HIPK4: variants seen among roughly 807,000 people sequenced by gnomAD.
HIPK4 encodes the protein homeodomain interacting protein kinase 4.
HIPK4 carries 26 observed loss-of-function variants against 44.8 expected under a neutral mutation model. That is an observed-to-expected ratio of 0.58 (90% CI 0.43 to 0.80). The LOEUF (loss-of-function observed/expected upper bound fraction) is 0.80. Among genes scored for constraint, HIPK4 ranks in the 30% least tolerant of loss-of-function variants. HIPK4 has a pLI of 0.00. For missense variants in HIPK4, 729 were observed against 862.6 expected (o/e 0.85, Z 1.94); for synonymous variants, 340 against 355.5 (o/e 0.96, Z 0.49).
rs752508778 is a variant in HIPK4, at chr19:40,380,655, A to G, written c.1336T>C (p.Cys446Arg). 6.2e-7 allele frequency: 1 copy of G among 1,613,912 alleles called. No individual in the cohort carries two copies. Among genetic ancestry groups the G allele is most frequent in the Non-Finnish European group, 8.5e-7 (1 of 1,179,928 alleles). The change falls in exon 3 of 4, where the codon TGC (cysteine) becomes CGC (arginine). Residue 446 changes from cysteine to arginine, a missense_variant. Around this residue, in one of 2 missense-constraint regions of HIPK4, gnomAD observed 533 missense variants for 567.5 expected, o/e 0.94. Transcript: ENST00000291823. This position sits in a 1 kb window ranked among gnomAD's most constrained non-coding sequence, Gnocchi z 4.2. ...EAGHGLWGET[C>R]TNAVSDMMVP... The stretch of plus-strand genomic sequence containing the variant: ...ATCATGTCGGAGACCGCATTGGTGC[A>G]GGTCTCACCCCACAGCCCATGCCCA...
chr19:40,379,810 G>C, intron 3 of HIPK4, 41 bp from the exon 4 acceptor site: 1 of 1,578,380 alleles, frequency 6.3e-7, no homozygotes, highest in African/African-American at 1.4e-5. Context: ...AGCAGTGTTA[G>C]TGTATTAGTG....
In HIPK4 at chr19:40,381,022, C is replaced by G. The variant is rs531192572; in HGVS notation, c.969G>C (p.Leu323=). The change falls in exon 3 of 4, where the codon CTG becomes CTC. Residue 323 remains leucine (L), a synonymous_variant. Coordinates refer to ENST00000291823, the MANE Select transcript of HIPK4 (RefSeq NM_144685.5). ...EHADLKSMVE[L]IKRMLTWESH... is the part of the protein sequence containing the mutation. ...ACTCCCAGGTCAGCATGCGCTTGAT[C>G]AGCTCCACCATGCTCTTGAGGTCGG... is the stretch of plus-strand genomic sequence containing the variant. 3 of 1,613,548 alleles carry G rather than the reference C, an allele frequency of 1.9e-6. No individual in the cohort carries two copies. Among genetic ancestry groups the G allele is most frequent in the East Asian group, 2.2e-5 (1 of 44,878 alleles).
intron 1 of HIPK4, among the ~76,000 whole-genome samples, chr19:40,385,683 C>CTTTTTTTTTTTTTTTTTTT (rs142414559): frequency 1.0e-4 from 7 of 67,038 alleles, no homozygotes; most frequent in Admixed American, 1.8e-4. Flanking sequence ...CTTTTCTTTT[C>CTTTTTTTTTTTTTTTTTTT]TTTTTTTTTT....
At chr19:40,381,733 G>A (rs1007318798) in intron 2 of HIPK4, among the ~76,000 whole-genome samples, 2 of 147,112 alleles carry the variant, frequency 1.4e-5, no homozygotes, top group African/African-American at 5.0e-5. Context: ...AGAGGTAGCA[G>A]ACTGGCTGCT....
Position 40,381,154 on chromosome 19 carries a change from C to T in HIPK4, c.837G>A (p.Glu279=), listed in dbSNP as rs935836562. ...YLAETKVRPL[E]RRKYMLKSLD... ...ACGACTTGAGCATATACTTGCGGCG[C>T]TCCAATGGGCGCACCTGGCGGGGCA... The change falls in exon 3 of 4, where the codon GAG becomes GAA. Residue 279 remains glutamate (E), a synonymous_variant. Coordinates refer to ENST00000291823, the MANE Select transcript of HIPK4 (RefSeq NM_144685.5). 6.3e-7 allele frequency: 1 copy of T among 1,596,594 alleles called. No individual in the cohort carries two copies. Among genetic ancestry groups the T allele is most frequent in the Non-Finnish European group, 8.5e-7 (1 of 1,175,796 alleles).
intron 1 of HIPK4, among the ~76,000 whole-genome samples, chr19:40,385,653 A>C (rs1599644605): frequency 7.1e-6 from 1 of 140,966 alleles, no homozygotes. Context: ...ATCCCCCGCC[A>C]GGCCCCTGTT....
Position 40,383,763 on chromosome 19 carries a change from T to C in HIPK4, c.822+20A>G. Reference sequence around the variant, plus strand: ...GTAACAGCCCCCACACTGACTGCCCTCACCCAACTTTTCCCTTACCTTCGT... The same window carrying C: ...GTAACAGCCCCCACACTGACTGCCCCCACCCAACTTTTCCCTTACCTTCGT... On this transcript the variant is annotated intron_variant, in intron 2 of 3. Coordinates refer to ENST00000291823, the MANE Select transcript of HIPK4 (RefSeq NM_144685.5). The C allele has an allele frequency of 6.3e-7, 1 of 1,581,614 alleles. No homozygotes were observed. Among genetic ancestry groups the C allele is most frequent in the Non-Finnish European group, 8.6e-7 (1 of 1,159,138 alleles).
rs1310262017 is a variant in HIPK4, at chr19:40,380,175, G to C, written c.1668+148C>G. The C allele has an allele frequency of 4.7e-6, 5 of 1,056,056 alleles. No individual in the cohort carries two copies. The East Asian group carries it at 1.3e-4, about 27-fold the overall frequency. The allele number at this position is 1,056,056 out of a possible 1,614,324, so 65.4% of individuals were successfully genotyped here. On this transcript the variant is annotated intron_variant, in intron 3 of 3. Transcript: ENST00000291823. This position sits in a 1 kb window ranked among gnomAD's most constrained non-coding sequence, Gnocchi z 4.2. The stretch of plus-strand genomic sequence containing the variant: ...ATCATATCTTGACGGTATTAGGTGT[G>C]TGCTGAGCCTCCTAAGTCCCTAATT...
chr19:40,383,605 A>G lies in HIPK4; in HGVS notation c.822+178T>C, dbSNP rs80125643. On this transcript the variant is annotated intron_variant, in intron 2 of 3. Coordinates refer to ENST00000291823, the MANE Select transcript of HIPK4 (RefSeq NM_144685.5). ...GCTGATTTTTTTTTCCATGTTTTAT[A>G]AAGAGGAGGTCTCACTATGTTCCCC... Among the ~76,000 whole-genome samples the G allele has an allele frequency of 4.6e-3, 700 of 151,498 alleles. 7 individuals carry two copies. The highest frequency in any genetic ancestry group is 0.016 in the African/African-American group (674 of 41,248).
rs368475682 is a variant in HIPK4 at position 40,389,410 on chromosome 19, G to A, written c.465+28C>T. The A allele has an allele frequency of 3.2e-5, 45 of 1,403,912 alleles. No homozygotes were observed. Among genetic ancestry groups the A allele is most frequent in the South Asian group, 6.1e-5 (4 of 65,148 alleles). The allele number at this position is 1,403,912 out of a possible 1,614,324, so 87.0% of individuals were successfully genotyped here. A position where few individuals can be genotyped will look rare whatever the true frequency, so the allele number is the denominator to read the frequency against. ...GGGAAAAAGACAAGGAACTAGGGAC[G>A]CAGCCACCCTAGACGACCCCTACTC... On this transcript the variant is annotated intron_variant, in intron 1 of 3. Transcript: ENST00000291823. This position sits in a 1 kb window ranked among gnomAD's most constrained non-coding sequence, Gnocchi z 4.6.
Position 40,380,596 on chromosome 19 carries a change from A to G in HIPK4, c.1395T>C (p.His465=), listed in dbSNP as rs1291985635. ...VPLKAAITGH[H]VPDSGPEPIL... is the part of the protein sequence containing the mutation. ...TGGGCTCAGGGCCCGAGTCGGGCAC[A>G]TGGTGGCCAGTGATGGCTGCCTTGA... Residue 465 remains histidine, a synonymous_variant, in exon 3 of 4, where the codon CAT becomes CAC. Transcript: ENST00000291823. The surrounding 1 kb of genome is among the most constrained non-coding windows in gnomAD (Gnocchi z 4.2). 7 of 1,613,190 alleles carry G rather than the reference A, an allele frequency of 4.3e-6. No homozygotes were observed. Among genetic ancestry groups the G allele is most frequent in the Admixed American group, 3.3e-5 (2 of 60,006 alleles).
intron 1 of HIPK4, 56 bp from the exon 2 acceptor site, chr19:40,384,195 GC>G: frequency 7.2e-7 from 1 of 1,393,022 alleles, no homozygotes; most frequent in South Asian, 1.4e-5. Context: ...GGACAGCCGA[GC>G]TGGGCCACCC....
At chr19:40,381,284 C>T in intron 2 of HIPK4, 116 bp from the exon 3 acceptor site, 1 of 853,458 alleles carries the variant, frequency 1.2e-6, no homozygotes, top group Non-Finnish European at 1.8e-6. Context: ...CATGATCTGC[C>T]TTGGAGCTCT....
In HIPK4 at chr19:40,380,412, C is replaced by T; in HGVS notation, c.1579G>A (p.Glu527Lys). 2 of 1,614,236 alleles carry T rather than the reference C, an allele frequency of 1.2e-6. No individual in the cohort carries two copies. The highest frequency in any genetic ancestry group is 1.7e-6 in the Non-Finnish European group (2 of 1,180,050). The change falls in exon 3 of 4, where the codon GAG (glutamate) becomes AAG (lysine). Residue 527 changes from glutamate (E) to lysine (K), a missense_variant. Transcript: ENST00000291823. This position sits in a 1 kb window ranked among gnomAD's most constrained non-coding sequence, Gnocchi z 4.2. ...PCRGSSWEEG[E>K]HLGASAEPLA... is the part of the protein sequence containing the mutation. ...GGCTCAGCAGAGGCCCCGAGATGCTCTCCTTCCTCCCAGCTGCTGCCCCGG... is the reference window on the plus strand; with the variant it reads ...GGCTCAGCAGAGGCCCCGAGATGCTTTCCTTCCTCCCAGCTGCTGCCCCGG...
chr19:40,389,780 G>A lies in HIPK4; in HGVS notation c.123C>T (p.Ile41=), dbSNP rs747192970. 3 of 1,614,186 alleles carry A rather than the reference G, an allele frequency of 1.9e-6. No homozygotes were observed. The Admixed American group carries it at 5.0e-5, about 27-fold the overall frequency. Residue 41 remains isoleucine (I), a synonymous_variant, in exon 1 of 4, where the codon ATC becomes ATT. Transcript: ENST00000291823. This position sits in a 1 kb window ranked among gnomAD's most constrained non-coding sequence, Gnocchi z 4.6. ...GGTTGCGGTAGGCGTCATTCTTGAG[G>A]ATCTTGATGGCCACCATCTCGCCCG... ...RSTGEMVAIK[I]LKNDAYRNRI...
Position 40,380,297 on chromosome 19 carries a change from T to C in HIPK4, c.1668+26A>G, listed in dbSNP as rs776981523. 6.2e-7 allele frequency: 1 copy of C among 1,605,356 alleles called. No individual in the cohort carries two copies. Among genetic ancestry groups the C allele is most frequent in the Non-Finnish European group, 8.5e-7 (1 of 1,173,448 alleles). ...TGTGCTGAGCCTCCTCCCACCCTAATCGTATCCTGAACGCACCCGGCTCAC... is the reference window on the plus strand; with the variant it reads ...TGTGCTGAGCCTCCTCCCACCCTAACCGTATCCTGAACGCACCCGGCTCAC... On this transcript the variant is annotated intron_variant, in intron 3 of 3. Coordinates refer to ENST00000291823, the MANE Select transcript of HIPK4 (RefSeq NM_144685.5). The surrounding 1 kb of genome is among the most constrained non-coding windows in gnomAD (Gnocchi z 4.2).
At chr19:40,384,612 G>T (rs972869166) in intron 1 of HIPK4, among the ~76,000 whole-genome samples, 40 of 119,120 alleles carry the variant, frequency 3.4e-4, no homozygotes, top group African/African-American at 1.2e-3. Flanking sequence ...GCCTTTGTTG[G>T]TTTTTTTTTT....
chr19:40,379,815 T>C (rs1477866163), intron 3 of HIPK4, 46 bp from the exon 4 acceptor site: 3 of 1,573,836 alleles, frequency 1.9e-6, no homozygotes, highest in East Asian at 2.3e-5. Flanking sequence ...TGTTAGTGTA[T>C]TAGTGTCTGC....
chr19:40,386,485 C>A (rs544471930), intron 1 of HIPK4, among the ~76,000 whole-genome samples: 1 of 152,342 alleles, frequency 6.6e-6, no homozygotes, highest in African/African-American at 2.4e-5. Context: ...TCCTGAGTAG[C>A]TGGGACCACA....
Sources: allele counts gnomAD v4.1 joint callset (sites outside exome capture counted in the v4.1 genomes callset), GRCh38; gene constraint gnomAD v4.1.1; regional missense constraint gnomAD v4.1.1; non-coding constraint Gnocchi (gnomAD v3.1); transcripts MANE v1.5; gene names NCBI Gene and HGNC (gene_info 2026-07-23, HGNC 2026-07-21).